Variants in SPAG16 observed in about 807,000 individuals in gnomAD.
SPAG16 encodes the protein sperm associated antigen 16.
In SPAG16, 86 loss-of-function variants were observed where a neutral mutation model predicts 80.4. The ratio of observed to expected loss-of-function variants is 1.07; its 90% CI spans 0.90 to 1.28. SPAG16 has a LOEUF of 1.28. SPAG16 is among the 50% of genes most tolerant of loss of function. The pLI, the probability that SPAG16 is intolerant of heterozygous loss-of-function variation, is 0.00. For missense variants in SPAG16, 870 were observed against 765.3 expected, an observed-to-expected ratio of 1.14 and a Z score of -1.61; for synonymous variants, 294 against 265.9, an observed-to-expected ratio of 1.11 and a Z score of -1.03.
chr2:213,920,797 G>T (rs997599250), intron 11 of SPAG16, among the ~76,000 whole-genome samples: 2 of 152,180 alleles, frequency 1.3e-5, no homozygotes, highest in African/African-American at 2.4e-5. Flanking sequence ...GAGCCTACAG[G>T]GATGGACATC....
At chr2:214,262,181 G>A (rs901318266) in intron 15 of SPAG16, among the ~76,000 whole-genome samples, 1 of 151,872 alleles carries the variant, frequency 6.6e-6, no homozygotes, top group East Asian at 1.9e-4. Flanking sequence ...CATCTTCAGT[G>A]TATTATATAA....
chr2:213,363,992 T>C (rs1176868970), intron 7 of SPAG16, 84 bp from the exon 8 acceptor site: 1 of 480,656 alleles, frequency 2.1e-6, no homozygotes, highest in Non-Finnish European at 3.5e-6. Flanking sequence ...TATTTTACAA[T>C]GGATATTTAA....
intron 7 of SPAG16, among the ~76,000 whole-genome samples, chr2:213,350,864 C>T (rs2065286254): frequency 6.6e-6 from 1 of 152,012 alleles, no homozygotes; most frequent in Non-Finnish European, 1.5e-5. Context: ...TGGCTCATGC[C>T]TGTAATCCCA....
chr2:214,073,288 G>A (rs2050895420), intron 13 of SPAG16, among the ~76,000 whole-genome samples: 1 of 149,602 alleles, frequency 6.7e-6, no homozygotes, highest in African/African-American at 2.5e-5. Context: ...CCAGGCTGGA[G>A]TGCAGTGGCG....
intron 10 of SPAG16, among the ~76,000 whole-genome samples, chr2:213,755,746 T>C (rs1313278129): frequency 1.3e-5 from 2 of 152,144 alleles, no homozygotes; most frequent in African/African-American, 4.8e-5. Flanking sequence ...ACAGTGAAGA[T>C]GATAGGCAGT....
At chr2:213,496,745 T>C (rs1368170137) in intron 10 of SPAG16, among the ~76,000 whole-genome samples, 1 of 150,796 alleles carries the variant, frequency 6.6e-6, no homozygotes, top group African/African-American at 2.4e-5. Context: ...TACTTAATTA[T>C]ATATATCCAT....
chr2:214,279,658 A>G (rs1185202721), intron 15 of SPAG16, among the ~76,000 whole-genome samples: 1 of 152,244 alleles, frequency 6.6e-6, no homozygotes, highest in African/African-American at 2.4e-5. Flanking sequence ...TCATCAGAGT[A>G]CTGATCAGGA....
At chr2:213,358,125 T>A (rs2065771835) in intron 7 of SPAG16, among the ~76,000 whole-genome samples, 1 of 152,232 alleles carries the variant, frequency 6.6e-6, no homozygotes, top group Non-Finnish European at 1.5e-5. Context: ...CCGAGAGATC[T>A]GCTGTTAGTC....
At chr2:213,415,710 A>T (rs1425399257) in intron 9 of SPAG16, among the ~76,000 whole-genome samples, 1 of 152,132 alleles carries the variant, frequency 6.6e-6, no homozygotes, top group Non-Finnish European at 1.5e-5. Context: ...GTTTTGGAGG[A>T]GAGGATATTA....
At chr2:213,728,354 G>T (rs907055231) in intron 10 of SPAG16, among the ~76,000 whole-genome samples, 1 of 152,106 alleles carries the variant, frequency 6.6e-6, no homozygotes, top group African/African-American at 2.4e-5. Context: ...CAGGGGAAGA[G>T]AAACGAAAAG....
At chr2:213,326,260 A>T (rs1251824024) in intron 5 of SPAG16, among the ~76,000 whole-genome samples, 1 of 152,074 alleles carries the variant, frequency 6.6e-6, no homozygotes, top group African/African-American at 2.4e-5. Flanking sequence ...CATGGCAATT[A>T]ATATTGAGGA....
At chr2:214,374,012 A>G (rs1699975103) in intron 15 of SPAG16, among the ~76,000 whole-genome samples, 1 of 152,202 alleles carries the variant, frequency 6.6e-6, no homozygotes, top group South Asian at 2.1e-4. Flanking sequence ...CCAAAGCTAG[A>G]AAAATTAGAA....
intron 10 of SPAG16, among the ~76,000 whole-genome samples, chr2:213,779,215 A>T (rs2069791561): frequency 1.3e-5 from 2 of 151,840 alleles, no homozygotes; most frequent in Non-Finnish European, 2.9e-5. Context: ...TTTTTTCCAG[A>T]TGTCCTTTAT....
At chr2:213,726,595 A>G (rs2125409388) in intron 10 of SPAG16, among the ~76,000 whole-genome samples, 1 of 152,356 alleles carries the variant, frequency 6.6e-6, no homozygotes, top group East Asian at 1.9e-4. Flanking sequence ...GGTTTCTATC[A>G]GAAATGTGCC....
chr2:214,265,522 T>G (rs551434363), intron 15 of SPAG16, among the ~76,000 whole-genome samples: 1 of 152,094 alleles, frequency 6.6e-6, no homozygotes, highest in Non-Finnish European at 1.5e-5. Flanking sequence ...ATCTAATACA[T>G]GTTTTGCAAA....
At chr2:213,732,661 G>A (rs2067103210) in intron 10 of SPAG16, among the ~76,000 whole-genome samples, 1 of 152,122 alleles carries the variant, frequency 6.6e-6, no homozygotes, top group African/African-American at 2.4e-5. Flanking sequence ...TTGTTTTGGG[G>A]ACTATGGCCA....
chr2:213,996,206 G>A (rs1253098366), intron 12 of SPAG16, among the ~76,000 whole-genome samples: 1 of 152,128 alleles, frequency 6.6e-6, no homozygotes, highest in Non-Finnish European at 1.5e-5. Flanking sequence ...CTACCATTGA[G>A]GAAGAATCTC....
intron 13 of SPAG16, among the ~76,000 whole-genome samples, chr2:214,039,484 A>G (rs928631517): frequency 6.6e-5 from 10 of 152,332 alleles, no homozygotes; most frequent in African/African-American, 2.4e-4. Flanking sequence ...TCTGCACAGC[A>G]AAAGAAACTA....
At chr2:213,376,306 A>G (rs1285733528) in intron 9 of SPAG16, among the ~76,000 whole-genome samples, 4 of 152,006 alleles carry the variant, frequency 2.6e-5, no homozygotes, top group Admixed American at 1.3e-4. Context: ...CTCAGTGCTT[A>G]CTGCTTATAA....
Sources: allele counts gnomAD v4.1 joint callset (sites outside exome capture counted in the v4.1 genomes callset), GRCh38; gene constraint gnomAD v4.1.1; transcripts MANE v1.5; gene names NCBI Gene and HGNC (gene_info 2026-07-23, HGNC 2026-07-21).